OTUD7A: variants seen among roughly 807,000 people sequenced by gnomAD.
The protein encoded by OTUD7A is OTU deubiquitinase 7A, also known as OTU domain-containing protein 7A.
OTUD7A carries 12 observed loss-of-function variants against 65.7 expected under a neutral mutation model. The ratio of observed to expected loss-of-function variants is 0.18; its 90% CI spans 0.12 to 0.30. The LOEUF is 0.30. Ranked by LOEUF, OTUD7A falls within the 10% of genes least tolerant of loss-of-function variation. The probability of loss-of-function intolerance (pLI) is 1.00; values close to 1 mark genes in which losing one functional copy is unlikely to be tolerated. For synonymous variants in OTUD7A, 641 were observed against 586.3 expected, an observed-to-expected ratio of 1.09 and a Z score of -1.35; for missense variants, 1,148 against 1,304.8, an observed-to-expected ratio of 0.88 and a Z score of 1.85.
intron 1 of OTUD7A, among the ~76,000 whole-genome samples, chr15:31,844,726 A>G (rs1024925565): frequency 6.6e-6 from 1 of 152,242 alleles, no homozygotes; most frequent in Non-Finnish European, 1.5e-5. Context: ...AGCAGAAAAC[A>G]TCAATTACAA....
In OTUD7A at chr15:31,643,624, T is replaced by G. The variant is rs184366603; in HGVS notation, c.151+11472A>C. On this transcript the variant is annotated intron_variant, in intron 3 of 12. Coordinates refer to ENST00000307050, the MANE Select transcript of OTUD7A (RefSeq NM_001382637.1). ...CTAGCAGTTCTGGTTTGACTTTGAT[T>G]GAACAGTTTCTCCTCATTATGGGTC... 5.8e-3 allele frequency among the ~76,000 whole-genome samples: 878 copies of G among 152,330 alleles called. 10 individuals carry two copies. Among genetic ancestry groups the G allele is most frequent in the African/African-American group, 0.02 (843 of 41,578 alleles).
At chr15:31,768,694 C>T (rs956565850) in intron 1 of OTUD7A, among the ~76,000 whole-genome samples, 5 of 151,742 alleles carry the variant, frequency 3.3e-5, no homozygotes, top group Non-Finnish European at 5.9e-5. Context: ...GTGGCACTTT[C>T]GGCGTCTGCA....
At chr15:31,753,969 T>A (rs1380132570) in intron 1 of OTUD7A, among the ~76,000 whole-genome samples, 1 of 151,994 alleles carries the variant, frequency 6.6e-6, no homozygotes, top group Non-Finnish European at 1.5e-5. Flanking sequence ...TGTATTAGTT[T>A]ACATTCCCAC....
At chr15:31,534,146 C>A (rs1335127301) in intron 5 of OTUD7A, among the ~76,000 whole-genome samples, 1 of 152,132 alleles carries the variant, frequency 6.6e-6, no homozygotes, top group East Asian at 1.9e-4. Context: ...AGAGTAACAT[C>A]TCTCATGAAT....
chr15:31,489,049 G>A lies in OTUD7A; in HGVS notation c.1172-1483C>T, dbSNP rs576958393. ...CTGCAGGGCAGACACACCCAGGGAGGGCTGCAGGGCTGGCTCAGGGACAGG... is the reference window on the plus strand; with the variant it reads ...CTGCAGGGCAGACACACCCAGGGAGAGCTGCAGGGCTGGCTCAGGGACAGG... On this transcript the variant is annotated intron_variant, in intron 10 of 12. Coordinates refer to ENST00000307050, the MANE Select transcript of OTUD7A (RefSeq NM_001382637.1). Among the ~76,000 whole-genome samples the A allele has an allele frequency of 8.4e-4, 128 of 152,312 alleles. 1 individual carries two copies. Among genetic ancestry groups the A allele is most frequent in the African/African-American group, 3.1e-3 (128 of 41,570 alleles).
At chr15:31,512,868 A>G (rs1292717934) in intron 8 of OTUD7A, among the ~76,000 whole-genome samples, 4 of 152,254 alleles carry the variant, frequency 2.6e-5, no homozygotes, top group Non-Finnish European at 5.9e-5. Context: ...GATATTTAAG[A>G]ATGTTAGCAC....
intron 10 of OTUD7A, among the ~76,000 whole-genome samples, chr15:31,491,200 G>A (rs1050207786): frequency 6.6e-6 from 1 of 151,382 alleles, no homozygotes; most frequent in African/African-American, 2.4e-5. Context: ...TATGACACAG[G>A]TGTTGAAACT....
intron 1 of OTUD7A, among the ~76,000 whole-genome samples, chr15:31,852,308 C>T (rs1478019688): frequency 6.6e-6 from 1 of 152,190 alleles, no homozygotes; most frequent in Non-Finnish European, 1.5e-5. Context: ...GTAGGCCAGG[C>T]TGAAGGGAAA....
rs1895028906 is a variant in OTUD7A at position 31,763,603 on chromosome 15, T to C, written c.-99-106526A>G. On this transcript the variant is annotated intron_variant, in intron 1 of 12. Transcript: ENST00000307050. ...AAGTCCCAAGAAAGGAGTAAGAGTC[T>C]GGTGTGGAAAAGAAAATTTGACAAA... Among the ~76,000 whole-genome samples, 3 of 152,258 alleles carry C rather than the reference T, an allele frequency of 2.0e-5. No homozygotes were observed. The South Asian group carries it at 6.2e-4, about 32-fold the overall frequency.
chr15:31,833,838 A>C (rs568883207), intron 1 of OTUD7A, among the ~76,000 whole-genome samples: 4 of 152,352 alleles, frequency 2.6e-5, no homozygotes, highest in South Asian at 2.1e-4. Flanking sequence ...AAATCTGAGA[A>C]TCCATCATAA....
At chr15:31,595,615 A>G (rs1889881334) in intron 3 of OTUD7A, among the ~76,000 whole-genome samples, 2 of 152,238 alleles carry the variant, frequency 1.3e-5, no homozygotes, top group Admixed American at 1.3e-4. Flanking sequence ...CACACATAGT[A>G]GCTTAAAACA....
chr15:31,648,935 A>G (rs2654156), intron 3 of OTUD7A, among the ~76,000 whole-genome samples: 2 of 151,950 alleles, frequency 1.3e-5, no homozygotes, highest in Non-Finnish European at 2.9e-5. Flanking sequence ...TAATTTTTGT[A>G]TTTGTAGGAG....
At chr15:31,561,817 C>A (rs1165939310) in intron 4 of OTUD7A, among the ~76,000 whole-genome samples, 1 of 149,576 alleles carries the variant, frequency 6.7e-6, no homozygotes, top group Non-Finnish European at 1.5e-5. Context: ...CACACTGATT[C>A]TTTAAACGTG....
intron 3 of OTUD7A, among the ~76,000 whole-genome samples, chr15:31,637,083 C>T (rs1891365397): frequency 6.6e-6 from 1 of 152,166 alleles, no homozygotes; most frequent in African/African-American, 2.4e-5. Context: ...ATTAAGGTGG[C>T]TACACTATAC....
chr15:31,658,904 C>T (rs1892071566), intron 1 of OTUD7A, among the ~76,000 whole-genome samples: 1 of 149,774 alleles, frequency 6.7e-6, no homozygotes, highest in Non-Finnish European at 1.5e-5. Context: ...TGGTGGCAGG[C>T]ACCTGTAATC....
chr15:31,860,963 C>T (rs1897726501), intron 1 of OTUD7A, among the ~76,000 whole-genome samples: 1 of 149,904 alleles, frequency 6.7e-6, no homozygotes, highest in Admixed American at 6.7e-5. Flanking sequence ...TCGTGATCTG[C>T]CTGCCTCAGC....
chr15:31,847,831 C>T (rs1365091752), intron 1 of OTUD7A, among the ~76,000 whole-genome samples: 1 of 152,058 alleles, frequency 6.6e-6, no homozygotes, highest in Non-Finnish European at 1.5e-5. Context: ...TGCTGAAAGA[C>T]CAAGGATAAG....
At chr15:31,734,142 C>G (rs752696350) in intron 1 of OTUD7A, among the ~76,000 whole-genome samples, 2 of 152,116 alleles carry the variant, frequency 1.3e-5, no homozygotes, top group African/African-American at 2.4e-5. Context: ...CAGGAATGTA[C>G]TCCCATTCAC....
chr15:31,756,627 AACACAC>A (rs56792926), intron 1 of OTUD7A, among the ~76,000 whole-genome samples: 3,678 of 138,296 alleles, frequency 0.027, 88 homozygotes, highest in African/African-American at 0.046. Flanking sequence ...CAGTGTACCC[AACACAC>A]ACACACACAC....
Sources: gnomAD v4.1 joint callset for allele counts (sites outside exome capture counted in the v4.1 genomes callset) on GRCh38, gnomAD v4.1.1 for gene constraint, MANE v1.5 for transcripts, NCBI Gene and HGNC (gene_info 2026-07-23, HGNC 2026-07-21) for gene names.